AGBL1: variants seen among roughly 807,000 people sequenced by gnomAD.
AGBL1 encodes the protein cytosolic carboxypeptidase 4.
A neutral mutation model predicts 118.9 loss-of-function variants in AGBL1; 130 were observed. That is an observed-to-expected ratio of 1.09 (90% CI 0.95 to 1.26). The LOEUF is 1.26. Among genes scored for constraint, AGBL1 ranks in the 50% most tolerant of loss-of-function variants. The probability of loss-of-function intolerance (pLI) is 0.00; values close to 1 mark genes in which losing one functional copy is unlikely to be tolerated. For missense variants in AGBL1, 1,584 were observed against 1,298.1 expected (o/e 1.22, Z -3.38); for synonymous variants, 555 against 478.9 (o/e 1.16, Z -2.08).
intron 22 of AGBL1, among the ~76,000 whole-genome samples, chr15:86,836,288 G>A (rs551803495): frequency 2.0e-5 from 3 of 152,264 alleles, no homozygotes; most frequent in South Asian, 2.1e-4. Context: ...AAATCAAGGC[G>A]GGGAAGTAGA....
chr15:86,145,243 C>T (rs566381843), intron 3 of AGBL1, among the ~76,000 whole-genome samples: 101 of 152,278 alleles, frequency 6.6e-4, no homozygotes, highest in African/African-American at 2.4e-3. Flanking sequence ...ACTATTCAAT[C>T]CACTACAAGT....
chr15:86,247,076 A>G (rs1185902445), intron 6 of AGBL1, among the ~76,000 whole-genome samples: 1 of 152,096 alleles, frequency 6.6e-6, no homozygotes, highest in Non-Finnish European at 1.5e-5. Context: ...CTCTTACATA[A>G]CCCCAGTTTA....
chr15:86,574,570 A>ATTTTTT (rs776642678), intron 21 of AGBL1, among the ~76,000 whole-genome samples: 450 of 83,656 alleles, frequency 5.4e-3, no homozygotes, highest in Middle Eastern at 0.01. Flanking sequence ...AAAAGTTTTA[A>ATTTTTT]TTTTTTTTTT....
At position 86,371,479 on chromosome 15, in the gene AGBL1, A is replaced by T. The variant is rs1215419174; in HGVS notation, c.2375-25887A>T. On this transcript the variant is annotated intron_variant, in intron 17 of 22. Transcript: ENST00000614907. ...TTCATATATATCATATGTTTTTATT[A>T]TATATAGTTATACATATGTAATATT... Among the ~76,000 whole-genome samples the T allele has an allele frequency of 2.6e-5, 4 of 152,248 alleles. No individual in the cohort carries two copies. In the East Asian group the frequency reaches 7.7e-4, roughly 29 times the overall value.
intron 24 of AGBL1, among the ~76,000 whole-genome samples, chr15:87,024,859 A>C (rs527462748): frequency 2.6e-5 from 4 of 152,214 alleles, no homozygotes; most frequent in Non-Finnish European, 4.4e-5. Context: ...ACACCACATA[A>C]ACAGAAATAA....
At chr15:87,024,586 T>G (rs553902011) in intron 24 of AGBL1, among the ~76,000 whole-genome samples, 1 of 151,952 alleles carries the variant, frequency 6.6e-6, no homozygotes, top group Non-Finnish European at 1.5e-5. Flanking sequence ...ACCAATCCGA[T>G]TGACACTATT....
At chr15:86,753,515 A>T (rs910365912) in intron 22 of AGBL1, among the ~76,000 whole-genome samples, 3 of 143,396 alleles carry the variant, frequency 2.1e-5, no homozygotes, top group Non-Finnish European at 4.5e-5. Flanking sequence ...CTCTTGCCTT[A>T]GCTTGCTGAG....
At chr15:86,136,349 G>A (rs766486614) in intron 1 of AGBL1, among the ~76,000 whole-genome samples, 3 of 152,188 alleles carry the variant, frequency 2.0e-5, no homozygotes, top group South Asian at 2.1e-4. Flanking sequence ...GTTGGACAAC[G>A]AATTAGAACA....
chr15:86,105,723 A>G (rs953886186), intron 1 of AGBL1, among the ~76,000 whole-genome samples: 4 of 152,180 alleles, frequency 2.6e-5, no homozygotes, highest in African/African-American at 9.7e-5. Flanking sequence ...TCCCTCAGTT[A>G]CAAAGCCCAG....
chr15:86,139,180 C>G (rs950429676), intron 1 of AGBL1, among the ~76,000 whole-genome samples: 1 of 152,114 alleles, frequency 6.6e-6, no homozygotes, highest in African/African-American at 2.4e-5. Flanking sequence ...CCCTTGTTAG[C>G]CCAAAGCTCC....
chr15:86,965,567 C>G (rs2081042348), intron 23 of AGBL1, among the ~76,000 whole-genome samples: 1 of 151,894 alleles, frequency 6.6e-6, no homozygotes, highest in African/African-American at 2.4e-5. Flanking sequence ...AAAATTTTCT[C>G]CCATTCTGTA....
rs182153966 is a variant in AGBL1 at position 86,263,944 on chromosome 15, G to A, written c.1087-314G>A. Among the ~76,000 whole-genome samples the A allele has an allele frequency of 2.9e-3, 437 of 152,308 alleles. 2 individuals carry two copies. Among genetic ancestry groups the A allele is most frequent in the African/African-American group, 0.01 (416 of 41,556 alleles). Reference sequence around the variant, plus strand: ...GAATTATTCTCAAGTGAAAGGCACTGCCTTGGGGTGCAGTGAGGCCCCCAT... The same window carrying A: ...GAATTATTCTCAAGTGAAAGGCACTACCTTGGGGTGCAGTGAGGCCCCCAT... On this transcript the variant is annotated intron_variant, in intron 10 of 22. Coordinates refer to ENST00000614907, the MANE Select transcript of AGBL1 (RefSeq NM_001386094.1).
chr15:86,741,792 T>C (rs914731280), intron 22 of AGBL1, among the ~76,000 whole-genome samples: 3 of 152,180 alleles, frequency 2.0e-5, no homozygotes, highest in African/African-American at 7.2e-5. Context: ...TAACCTCTCC[T>C]TGTTTTAGTT....
intron 21 of AGBL1, among the ~76,000 whole-genome samples, chr15:86,618,433 C>T (rs930901846): frequency 2.0e-5 from 3 of 152,136 alleles, no homozygotes; most frequent in Non-Finnish European, 4.4e-5. Context: ...CTCCAGGTTT[C>T]CTCCCAGGGC....
At chr15:86,553,578 T>A (rs1205884406) in intron 20 of AGBL1, among the ~76,000 whole-genome samples, 2 of 152,174 alleles carry the variant, frequency 1.3e-5, no homozygotes, top group African/African-American at 4.8e-5. Flanking sequence ...ATGTGCTTCT[T>A]CTCTAGAATC....
chr15:86,624,484 G>A (rs1441394008), intron 21 of AGBL1, among the ~76,000 whole-genome samples: 4 of 152,146 alleles, frequency 2.6e-5, no homozygotes, highest in East Asian at 1.9e-4. Flanking sequence ...GTTCAATATC[G>A]ATTCTGAGTC....
intron 21 of AGBL1, among the ~76,000 whole-genome samples, chr15:86,645,420 C>T (rs2085261437): frequency 6.6e-6 from 1 of 152,150 alleles, no homozygotes; most frequent in Admixed American, 6.5e-5. Flanking sequence ...GGAAGATAAG[C>T]ACACATTGCT....
chr15:86,496,034 T>G (rs2082850406), intron 18 of AGBL1, among the ~76,000 whole-genome samples: 2 of 151,896 alleles, frequency 1.3e-5, no homozygotes, highest in Non-Finnish European at 2.9e-5. Flanking sequence ...CAACCTGATA[T>G]AGTTTGGCTC....
chr15:86,556,323 TG>T (rs2083733749), intron 21 of AGBL1: 1 of 1,558,564 alleles, frequency 6.4e-7, no homozygotes, highest in African/African-American at 1.4e-5. Context: ...ATTTTCCAAA[TG>T]GCTTTTGCAT....
Sources: allele counts gnomAD v4.1 joint callset (sites outside exome capture counted in the v4.1 genomes callset), GRCh38; gene constraint gnomAD v4.1.1; transcripts MANE v1.5; gene names NCBI Gene and HGNC (gene_info 2026-07-23, HGNC 2026-07-21).